Variants in TRPV1 observed in about 807,000 individuals in gnomAD.
TRPV1 encodes transient receptor potential cation channel subfamily V member 1.
TRPV1 carries 82 observed loss-of-function variants against 82.3 expected under a neutral mutation model. That is an observed-to-expected ratio of 1.00 (90% CI 0.83 to 1.20). TRPV1 has a LOEUF of 1.20. Ranked by LOEUF, TRPV1 falls within the 50% of genes most tolerant of loss-of-function variation. The probability of loss-of-function intolerance (pLI) is 0.00; values close to 1 mark genes in which losing one functional copy is unlikely to be tolerated. For synonymous variants in TRPV1, 515 were observed against 467.7 expected, an observed-to-expected ratio of 1.10 and a Z score of -1.30; for missense variants, 1,067 against 1,096.8, an observed-to-expected ratio of 0.97 and a Z score of 0.38.
At chr17:3,571,333 G>A (rs894459867) in intron 16 of TRPV1, among the ~76,000 whole-genome samples, 191 bp downstream of exon 16, 3 of 152,224 alleles carry the variant, frequency 2.0e-5, no homozygotes, top group Admixed American at 2.0e-4. Context: ...GCCGTCAGCC[G>A]TGACAGCATG....
At chr17:3,577,898 C>T (rs985323437) in intron 11 of TRPV1, 135 bp from the exon 12 acceptor site, 1 of 783,498 alleles carries the variant, frequency 1.3e-6, no homozygotes, top group Non-Finnish European at 2.0e-6. Context: ...TGTCCTGACT[C>T]TTTCAGCCCA....
At chr17:3,605,849 G>A (rs1046166020) in intron 2 of TRPV1, among the ~76,000 whole-genome samples, 2 of 152,216 alleles carry the variant, frequency 1.3e-5, no homozygotes, top group Non-Finnish European at 2.9e-5. Flanking sequence ...GCCTGGGTCT[G>A]TGCTGGGTGC....
chr17:3,591,138 CA>C, intron 4 of TRPV1, 22 bp from the exon 5 acceptor site: 2 of 1,609,802 alleles, frequency 1.2e-6, no homozygotes. Flanking sequence ...AAGGGAGGGT[CA>C]GGGCAGGCCA....
chr17:3,578,828 T>C (rs1567662583), intron 11 of TRPV1: 1 of 152,152 alleles, frequency 6.6e-6, no homozygotes, highest in Non-Finnish European at 1.5e-5. Context: ...GTATATACCA[T>C]GGAATACTAT....
intron 2 of TRPV1, 26 bp from the exon 3 acceptor site, chr17:3,592,409 G>T: frequency 6.6e-7 from 1 of 1,517,380 alleles, no homozygotes; most frequent in South Asian, 1.2e-5. Flanking sequence ...CGCCGGGGTT[G>T]ACTCCCAAAG....
intron 12 of TRPV1, 23 bp from the exon 13 acceptor site, chr17:3,577,215 C>T (rs200664439): frequency 6.4e-6 from 10 of 1,567,884 alleles, no homozygotes; most frequent in Non-Finnish European, 8.6e-6. Flanking sequence ...GCAGGCTCAT[C>T]AGAGCCGAGG....
intron 12 of TRPV1, 98 bp downstream of exon 12, chr17:3,577,500 G>A: frequency 1.4e-6 from 2 of 1,412,338 alleles, no homozygotes; most frequent in African/African-American, 2.8e-5. Context: ...CCCCTTCCCA[G>A]GCACGACAGA....
Position 3,572,228 on chromosome 17 carries a change from T to G in TRPV1, c.2125A>C (p.Thr709Pro). 1 of 1,610,250 alleles carries G rather than the reference T, an allele frequency of 6.2e-7. No homozygotes were observed. Among genetic ancestry groups the G allele is most frequent in the Non-Finnish European group, 8.5e-7 (1 of 1,178,344 alleles). Residue 709 changes from threonine to proline, a missense_variant, in exon 15 of 17, where the codon ACG (threonine) becomes CCG (proline). Transcript: ENST00000572705. ...ATGCACTTAAGGAAGCTCTTCTCCG[T>G]GTCCAGGATGGTGATGGCTCTCTGC... is the stretch of plus-strand genomic sequence containing the variant. ...KLQRAITILD[T>P]EKSFLKCMRK... is the part of the protein sequence containing the mutation.
intron 11 of TRPV1, among the ~76,000 whole-genome samples, chr17:3,579,606 G>C (rs538025991): frequency 2.0e-5 from 3 of 152,174 alleles, no homozygotes; most frequent in Non-Finnish European, 4.4e-5. Context: ...CTCCCGAGTA[G>C]CTGGGATTAC....
chr17:3,598,845 G>C (rs1003452459), intron 2 of TRPV1, among the ~76,000 whole-genome samples: 1 of 150,504 alleles, frequency 6.6e-6, no homozygotes, highest in African/African-American at 2.4e-5. Context: ...GGGATCATAG[G>C]CGTGAGCCAC....
chr17:3,598,242 G>A (rs1375729661), intron 2 of TRPV1, among the ~76,000 whole-genome samples: 1 of 152,202 alleles, frequency 6.6e-6, no homozygotes, highest in Non-Finnish European at 1.5e-5. Flanking sequence ...AGCAGCCACT[G>A]CCAGGGAGGC....
Position 3,583,415 on chromosome 17 carries a change from C to A in TRPV1, c.1399G>T (p.Glu467Ter), listed in dbSNP as rs932679411. 3 of 1,604,026 alleles carry A rather than the reference C, an allele frequency of 1.9e-6. No homozygotes were observed. The highest frequency in any genetic ancestry group is 2.6e-6 in the Non-Finnish European group (3 of 1,175,264). Residue 467 changes from glutamate to a stop codon, truncating the protein, a stop_gained, in exon 10 of 17, where the codon GAA becomes TAA. Coordinates refer to ENST00000572705, the MANE Select transcript of TRPV1 (RefSeq NM_080704.4). LOFTEE classifies it high-confidence loss of function. ...ACTCGGAAATAGTCTCCAGTTTTTT[C>A]CATCTTAAAGGGAGGCTGTGAGATG... The part of the protein sequence containing the change: ...PVDGLPPFKM[E>*]KTGDYFRVTG...
At position 3,571,637 on chromosome 17, in the gene TRPV1, A is replaced by G. The variant is rs990744360; in HGVS notation, c.2234T>C (p.Val745Ala). ...GKDDYRWCFR[V>A]DEVNWTTWNT... ...CCAGGTGGTCCAGTTCACCTCGTCC[A>G]CCCTGCAGGGTAAGGGGTCGGGAGA... is the stretch of plus-strand genomic sequence containing the variant. The change falls in exon 16 of 17, where the codon GTG becomes GCG. Residue 745 changes from valine to alanine, a missense_variant and splice_region_variant. Coordinates refer to ENST00000572705, the MANE Select transcript of TRPV1 (RefSeq NM_080704.4). 6.2e-7 allele frequency: 1 copy of G among 1,606,568 alleles called. No individual in the cohort carries two copies. The highest frequency in any genetic ancestry group is 1.7e-5 in the Admixed American group (1 of 58,974).
intron 3 of TRPV1, 131 bp from the exon 4 acceptor site, chr17:3,591,484 C>G: frequency 9.2e-7 from 1 of 1,085,816 alleles, no homozygotes; most frequent in Non-Finnish European, 1.3e-6. Flanking sequence ...TAAAAGCTGC[C>G]CCTCAGTCTA....
intron 2 of TRPV1, among the ~76,000 whole-genome samples, chr17:3,601,416 C>T (rs2075262335): frequency 6.6e-6 from 1 of 151,842 alleles, no homozygotes; most frequent in African/African-American, 2.4e-5. Flanking sequence ...CCTCTCCCAC[C>T]GAAACCCACC....
chr17:3,568,492 C>T (rs1437896266), intron 16 of TRPV1, among the ~76,000 whole-genome samples: 1 of 152,130 alleles, frequency 6.6e-6, no homozygotes, highest in East Asian at 1.9e-4. Flanking sequence ...AGGAAAATCA[C>T]ACGATCGCAG....
In TRPV1 at chr17:3,573,705, G is replaced by A. The variant is rs2074891111; in HGVS notation, c.2031C>T (p.Asn677=). 6.2e-7 allele frequency: 1 copy of A among 1,614,018 alleles called. No individual in the cohort carries two copies. The highest frequency in any genetic ancestry group is 1.1e-5 in the South Asian group (1 of 91,078). Residue 677 remains asparagine (N), a synonymous_variant, in exon 14 of 17, where the codon AAC becomes AAT. Transcript: ENST00000572705. The part of the protein sequence containing the change: ...YVILTYILLL[N]MLIALMGETV... ...TCTCACCCATGAGGGCGATGAGCATGTTGAGCAGGAGGATGTAGGTGAGAA... is the reference window on the plus strand; with the variant it reads ...TCTCACCCATGAGGGCGATGAGCATATTGAGCAGGAGGATGTAGGTGAGAA...
chr17:3,581,780 G>C (rs1164865536), intron 10 of TRPV1, among the ~76,000 whole-genome samples: 1 of 148,114 alleles, frequency 6.8e-6, no homozygotes, highest in African/African-American at 2.4e-5. Flanking sequence ...AGCTACTCGG[G>C]AGGCTGAGGC....
chr17:3,599,848 T>C (rs1035853155), intron 2 of TRPV1, among the ~76,000 whole-genome samples: 1 of 152,122 alleles, frequency 6.6e-6, no homozygotes, highest in Admixed American at 6.6e-5. Flanking sequence ...CTCGATCTCC[T>C]GACCTTGTGA....
Sources: allele counts gnomAD v4.1 joint callset (sites outside exome capture counted in the v4.1 genomes callset), GRCh38; gene constraint gnomAD v4.1.1; transcripts MANE v1.5; gene names NCBI Gene and HGNC (gene_info 2026-07-23, HGNC 2026-07-21).